The following CFAP20DC variants were observed in gnomAD, a reference collection of about 807,000 sequenced individuals.
The protein encoded by CFAP20DC is CFAP20 domain containing, also known as protein CFAP20DC.
A neutral mutation model predicts 101.7 loss-of-function variants in CFAP20DC; 84 were observed. The ratio of observed to expected loss-of-function variants is 0.83; its 90% confidence interval spans 0.69 to 0.99. The LOEUF is 0.99. CFAP20DC is among the 50% of genes least tolerant of loss of function. The pLI, the probability that CFAP20DC is intolerant of heterozygous loss-of-function variation, is 0.00. For synonymous variants in CFAP20DC, 359 were observed against 351.2 expected, an observed-to-expected ratio of 1.02 and a Z score of -0.25; for missense variants, 1,007 against 970.3, an observed-to-expected ratio of 1.04 and a Z score of -0.50.
At chr3:58,754,725 A>G (rs1462817980) in intron 15 of CFAP20DC, among the ~76,000 whole-genome samples, 2 of 152,264 alleles carry the variant, frequency 1.3e-5, no homozygotes, top group East Asian at 3.9e-4. Context: ...TTAATCTACA[A>G]TGGGAGACAG....
intron 16 of CFAP20DC, among the ~76,000 whole-genome samples, chr3:58,746,231 A>AT (rs369869423): frequency 2.7e-4 from 41 of 152,266 alleles, no homozygotes; most frequent in African/African-American, 9.4e-4. Flanking sequence ...AGTAAAACTA[A>AT]TTTTTTCCAT....
intron 5 of CFAP20DC, among the ~76,000 whole-genome samples, chr3:58,915,567 C>A (rs2084599356): frequency 6.6e-6 from 1 of 151,896 alleles, no homozygotes; most frequent in Admixed American, 6.6e-5. Context: ...GGGCTTGGCT[C>A]CAGGGGTACA....
chr3:58,733,057 C>T (rs567794769), intron 3 of CFAP20DC, among the ~76,000 whole-genome samples: 3 of 152,190 alleles, frequency 2.0e-5, no homozygotes, highest in Non-Finnish European at 4.4e-5. Context: ...ATAGGGCAGG[C>T]GTGGTGGCTC....
In CFAP20DC at chr3:58,788,659, T is replaced by C. The variant is rs1208723539; in HGVS notation, c.2237+17736A>G. Among the ~76,000 whole-genome samples the C allele has an allele frequency of 6.6e-6, 1 of 152,024 alleles. No individual in the cohort carries two copies. Among genetic ancestry groups the C allele is most frequent in the Admixed American group, 6.6e-5 (1 of 15,228 alleles). On this transcript the variant is annotated intron_variant, in intron 15 of 16. Transcript: ENST00000482387. This position sits in a 1 kb window ranked among gnomAD's most constrained non-coding sequence, Gnocchi z 4.2. ...TTTGACAATCCAATGTGGAACTGTA[T>C]ATTAGACACACATTTAGGGCACTAA...
chr3:58,995,538 T>A (rs1164223113), intron 4 of CFAP20DC, among the ~76,000 whole-genome samples: 2 of 137,062 alleles, frequency 1.5e-5, no homozygotes, highest in African/African-American at 5.5e-5. Flanking sequence ...TAAGGCTGCA[T>A]CTAACATTAC....
chr3:59,032,181 TC>T (rs1297509940), intron 4 of CFAP20DC, among the ~76,000 whole-genome samples: 4 of 152,204 alleles, frequency 2.6e-5, no homozygotes, highest in African/African-American at 9.6e-5. Context: ...ACTACACTTT[TC>T]CCACGGTCTT....
At chr3:58,975,005 A>C (rs2092191657) in intron 4 of CFAP20DC, among the ~76,000 whole-genome samples, 1 of 152,014 alleles carries the variant, frequency 6.6e-6, no homozygotes, top group African/African-American at 2.4e-5. Context: ...TTCCCTACTG[A>C]GGTTAGTAGG....
At position 58,760,746 on chromosome 3, in the gene CFAP20DC, G is replaced by C. The variant is rs553046959; in HGVS notation, c.2238-6883C>G. On this transcript the variant is annotated intron_variant, in intron 15 of 16. Transcript: ENST00000482387. Reference sequence around the variant, plus strand: ...TTTATTGAGAGTTTTTAGCATGAAGGGTTGTTGAATTTTGTCAAAGGACTT... The same window carrying C: ...TTTATTGAGAGTTTTTAGCATGAAGCGTTGTTGAATTTTGTCAAAGGACTT... 4.9e-3 allele frequency among the ~76,000 whole-genome samples: 743 copies of C among 152,188 alleles called. 3 individuals are homozygous for C. The highest frequency in any genetic ancestry group is 8.9e-3 in the Non-Finnish European group (602 of 67,988).
intron 6 of CFAP20DC, among the ~76,000 whole-genome samples, chr3:58,903,851 G>A (rs559531711): frequency 8.5e-5 from 13 of 152,276 alleles, no homozygotes; most frequent in Admixed American, 2.6e-4. Flanking sequence ...ATTCTATTCA[G>A]TTGGTCTATA....
chr3:58,888,055 C>A (rs1287989363), intron 6 of CFAP20DC, among the ~76,000 whole-genome samples: 1 of 152,218 alleles, frequency 6.6e-6, no homozygotes, highest in East Asian at 1.9e-4. Context: ...TCACTCATCT[C>A]CCCACCTCAC....
intron 15 of CFAP20DC, among the ~76,000 whole-genome samples, chr3:58,778,395 G>A (rs1355384294): frequency 6.6e-6 from 1 of 152,110 alleles, no homozygotes; most frequent in African/African-American, 2.4e-5. Flanking sequence ...GGTGTGAGGT[G>A]GGGCGTTCTC....
chr3:58,869,239 G>T lies in CFAP20DC; in HGVS notation c.1015+89C>A. On this transcript the variant is annotated intron_variant, in intron 9 of 16. Transcript: ENST00000482387. The surrounding 1 kb of genome is among the most constrained non-coding windows in gnomAD (Gnocchi z 4.3). ...GACAATTCTCTAGACTTAAGATCTAGACTTGAATATAACTGCTGATTTATC... is the reference window on the plus strand; with the variant it reads ...GACAATTCTCTAGACTTAAGATCTATACTTGAATATAACTGCTGATTTATC... The T allele has an allele frequency of 2.8e-6, 3 of 1,055,230 alleles. No individual in the cohort carries two copies. Among genetic ancestry groups the T allele is most frequent in the East Asian group, 2.5e-5 (1 of 39,332 alleles). The allele number at this position is 1,055,230 out of a possible 1,614,324, so 65.4% of individuals were successfully genotyped here.
chr3:59,046,197 T>TG, intron 3 of CFAP20DC, 32 bp downstream of exon 3: 1 of 1,398,784 alleles, frequency 7.1e-7, no homozygotes, highest in Non-Finnish European at 9.8e-7. Context: ...GAGTACAAAA[T>TG]GTTAAGTTTC....
intron 4 of CFAP20DC, among the ~76,000 whole-genome samples, chr3:58,944,136 T>C (rs1014563383): frequency 2.6e-5 from 4 of 152,032 alleles, no homozygotes; most frequent in Admixed American, 2.6e-4. Context: ...TGGAACCAAG[T>C]AGGAAAACAC....
intron 4 of CFAP20DC, among the ~76,000 whole-genome samples, chr3:58,947,757 G>C (rs2089550485): frequency 6.6e-6 from 1 of 152,168 alleles, no homozygotes; most frequent in South Asian, 2.1e-4. Context: ...GTCTATTTCA[G>C]AGGTAATCTC....
intron 6 of CFAP20DC, among the ~76,000 whole-genome samples, chr3:58,901,325 T>C (rs1407889844): frequency 6.6e-6 from 1 of 152,258 alleles, no homozygotes; most frequent in South Asian, 2.1e-4. Flanking sequence ...CAGTATATTA[T>C]AGTGGTTAAG....
chr3:58,749,002 G>A (rs906283953), intron 16 of CFAP20DC, among the ~76,000 whole-genome samples: 2 of 152,128 alleles, frequency 1.3e-5, no homozygotes, highest in East Asian at 1.9e-4. Flanking sequence ...AAACAGTGCC[G>A]GGTACACAAT....
intron 7 of CFAP20DC, among the ~76,000 whole-genome samples, chr3:58,878,819 G>GGC (rs1196160953): frequency 6.6e-6 from 1 of 152,026 alleles, no homozygotes; most frequent in Non-Finnish European, 1.5e-5. Flanking sequence ...AGACCATCCT[G>GGC]TGAATGGTGA....
At chr3:59,019,204 A>C (rs2093752833) in intron 4 of CFAP20DC, 1 of 152,112 alleles carries the variant, frequency 6.6e-6, no homozygotes, top group African/African-American at 2.4e-5. Context: ...GAAAACAAAT[A>C]ATCAAGTTTT....
Sources: allele counts gnomAD v4.1 joint callset (sites outside exome capture counted in the v4.1 genomes callset), GRCh38; gene constraint gnomAD v4.1.1; non-coding constraint Gnocchi (gnomAD v3.1); transcripts MANE v1.5; gene names NCBI Gene and HGNC (gene_info 2026-07-23, HGNC 2026-07-21).